The following SH3GL2 variants were observed in gnomAD, a reference collection of about 807,000 sequenced individuals.
The protein encoded by SH3GL2 is SH3 domain containing GRB2 like 2, endophilin A1.
A neutral mutation model predicts 46.0 loss-of-function variants in SH3GL2; 24 were observed. That is an observed-to-expected ratio of 0.52 (90% CI 0.38 to 0.73). The LOEUF (loss-of-function observed/expected upper bound fraction) is 0.73, where lower values mean the gene tolerates loss of function less well. SH3GL2 is among the 30% of genes least tolerant of loss of function. The pLI, the probability that SH3GL2 is intolerant of heterozygous loss-of-function variation, is 0.00. For synonymous variants in SH3GL2, 196 were observed against 147.1 expected (o/e 1.33, Z -2.40); for missense variants, 413 against 424.2 (o/e 0.97, Z 0.23).
At chr9:17,706,192 G>A (rs184891558) in intron 1 of SH3GL2, among the ~76,000 whole-genome samples, 2 of 152,066 alleles carry the variant, frequency 1.3e-5, no homozygotes, top group African/African-American at 4.8e-5. Context: ...ACATGCCCAA[G>A]GCCACTAAGT....
chr9:17,711,099 G>C (rs1381782142), intron 1 of SH3GL2, among the ~76,000 whole-genome samples: 1 of 151,840 alleles, frequency 6.6e-6, no homozygotes, highest in Non-Finnish European at 1.5e-5. Flanking sequence ...ATGACAGGGT[G>C]GTGGCCCTGA....
intron 1 of SH3GL2, among the ~76,000 whole-genome samples, chr9:17,623,422 G>C (rs1003184460): frequency 3.3e-5 from 5 of 152,038 alleles, no homozygotes; most frequent in African/African-American, 1.2e-4. Flanking sequence ...TGTAGACTGA[G>C]AACAAAATGA....
intron 2 of SH3GL2, among the ~76,000 whole-genome samples, chr9:17,748,125 A>G (rs1433623491): frequency 6.6e-6 from 1 of 152,102 alleles, no homozygotes; most frequent in Non-Finnish European, 1.5e-5. Flanking sequence ...AAAACATCTC[A>G]TTTTATTTTT....
At chr9:17,730,038 A>G (rs1181735537) in intron 1 of SH3GL2, among the ~76,000 whole-genome samples, 1 of 152,122 alleles carries the variant, frequency 6.6e-6, no homozygotes. Flanking sequence ...CTGAATCTGT[A>G]AATTACTTTG....
At chr9:17,638,885 C>A (rs1228364913) in intron 1 of SH3GL2, among the ~76,000 whole-genome samples, 2 of 152,174 alleles carry the variant, frequency 1.3e-5, no homozygotes, top group East Asian at 3.9e-4. Flanking sequence ...GGTTCTGGAA[C>A]TTTTAATGGA....
intron 1 of SH3GL2, among the ~76,000 whole-genome samples, chr9:17,700,451 G>A (rs984049275): frequency 6.6e-6 from 1 of 152,200 alleles, no homozygotes; most frequent in African/African-American, 2.4e-5. Flanking sequence ...TGGGACTCTA[G>A]AGGAGCGGAA....
chr9:17,766,561 A>G (rs1008259014), intron 3 of SH3GL2, among the ~76,000 whole-genome samples: 1 of 152,254 alleles, frequency 6.6e-6, no homozygotes, highest in African/African-American at 2.4e-5. Flanking sequence ...TGAATTTTCT[A>G]GAAACCACAT....
In SH3GL2 at chr9:17,664,353, A is replaced by G. The variant is rs149692162; in HGVS notation, c.46-82713A>G. On this transcript the variant is annotated intron_variant, in intron 1 of 8. Transcript: ENST00000380607. Reference sequence around the variant, plus strand: ...GAAATAAAATCAAATCAAGGTGATTATCATGTGGACATTGGATCAGGATTC... The same window carrying G: ...GAAATAAAATCAAATCAAGGTGATTGTCATGTGGACATTGGATCAGGATTC... Among the ~76,000 whole-genome samples the G allele has an allele frequency of 2.0e-3, 311 of 152,316 alleles. 1 individual carries two copies. The highest frequency in any genetic ancestry group is 7.1e-3 in the African/African-American group (297 of 41,586).
At chr9:17,729,323 T>C (rs770757459) in intron 1 of SH3GL2, among the ~76,000 whole-genome samples, 2 of 152,112 alleles carry the variant, frequency 1.3e-5, no homozygotes, top group Non-Finnish European at 2.9e-5. Flanking sequence ...TTTTTTTTTC[T>C]TGTAAATTTG....
intron 3 of SH3GL2, among the ~76,000 whole-genome samples, chr9:17,784,536 G>A (rs142323978): frequency 3.3e-5 from 5 of 151,922 alleles, no homozygotes; most frequent in Admixed American, 2.6e-4. Flanking sequence ...TCATTCTTCA[G>A]TGTCCCCCTA....
At chr9:17,789,750 T>A in intron 6 of SH3GL2, 200 bp downstream of exon 6, 3 of 1,354,442 alleles carry the variant, frequency 2.2e-6, no homozygotes, top group Non-Finnish European at 2.9e-6. Context: ...TTCCTGTAGT[T>A]TAACTAGATT....
At chr9:17,673,362 G>A (rs549235137) in intron 1 of SH3GL2, among the ~76,000 whole-genome samples, 4 of 147,488 alleles carry the variant, frequency 2.7e-5, no homozygotes, top group South Asian at 4.3e-4. Flanking sequence ...TCATGTTGCC[G>A]AGGCTGGTCC....
chr9:17,772,814 A>G (rs946952262), intron 3 of SH3GL2, among the ~76,000 whole-genome samples: 4 of 152,232 alleles, frequency 2.6e-5, no homozygotes, highest in African/African-American at 9.6e-5. Flanking sequence ...TGAGTATACA[A>G]ATATCACTCT....
chr9:17,758,407 C>T (rs1588307702), intron 2 of SH3GL2, among the ~76,000 whole-genome samples: 1 of 151,286 alleles, frequency 6.6e-6, no homozygotes, highest in Non-Finnish European at 1.5e-5. Context: ...CCAAAAAATA[C>T]AAAAATTAGC....
intron 1 of SH3GL2, among the ~76,000 whole-genome samples, chr9:17,657,158 C>T (rs1016696810): frequency 2.6e-5 from 4 of 152,158 alleles, no homozygotes; most frequent in Non-Finnish European, 5.9e-5. Context: ...TTCAGTTTAA[C>T]TTTTTTTGTG....
At chr9:17,716,695 C>G (rs183882911) in intron 1 of SH3GL2, among the ~76,000 whole-genome samples, 1 of 152,134 alleles carries the variant, frequency 6.6e-6, no homozygotes, top group African/African-American at 2.4e-5. Flanking sequence ...CAGTGCAGCT[C>G]TATTCACTCT....
intron 6 of SH3GL2, among the ~76,000 whole-genome samples, chr9:17,790,593 A>G (rs532646740): frequency 1.3e-4 from 20 of 152,232 alleles, no homozygotes; most frequent in African/African-American, 3.6e-4. Context: ...CCCATCCCCA[A>G]ATTCATGGGA....
At chr9:17,791,447 T>G (rs1824127570) in intron 7 of SH3GL2, 113 bp downstream of exon 7, 1 of 773,464 alleles carries the variant, frequency 1.3e-6, no homozygotes, top group Middle Eastern at 2.5e-4. Flanking sequence ...AAAATTCCGC[T>G]TATCCTACAG....
intron 1 of SH3GL2, among the ~76,000 whole-genome samples, chr9:17,743,969 G>C (rs193213605): frequency 1.5e-3 from 223 of 152,268 alleles, no homozygotes; most frequent in Non-Finnish European, 1.2e-3. Context: ...ACAGGTCACA[G>C]GTCACATGAA....
Sources: allele counts gnomAD v4.1 joint callset (sites outside exome capture counted in the v4.1 genomes callset), GRCh38; gene constraint gnomAD v4.1.1; transcripts MANE v1.5; gene names NCBI Gene and HGNC (gene_info 2026-07-23, HGNC 2026-07-21).